ATP9A: variants seen among roughly 807,000 people sequenced by gnomAD.
ATP9A encodes the protein probable phospholipid-transporting ATPase IIA.
Under a neutral mutation model 144.1 loss-of-function variants are expected in ATP9A, and 52 were observed. The ratio of observed to expected loss-of-function variants is 0.36; its 90% CI spans 0.29 to 0.45. ATP9A has a LOEUF of 0.45. ATP9A is among the 20% of genes least tolerant of loss of function. ATP9A has a pLI of 1.00. For synonymous variants in ATP9A, 582 were observed against 557.4 expected, an observed-to-expected ratio of 1.04 and a Z score of -0.62; for missense variants, 947 against 1,392.7, an observed-to-expected ratio of 0.68 and a Z score of 5.09.
intron 15 of ATP9A, among the ~76,000 whole-genome samples, chr20:51,636,445 G>A (rs999474139): frequency 1.3e-5 from 2 of 152,192 alleles, no homozygotes; most frequent in South Asian, 2.1e-4. Context: ...ACTAAATGTG[G>A]GGCAATCTGT....
intron 15 of ATP9A, among the ~76,000 whole-genome samples, chr20:51,635,640 G>C (rs867909433): frequency 2.3e-4 from 35 of 151,830 alleles, no homozygotes; most frequent in South Asian, 2.1e-3. Context: ...GGGAGGCTGA[G>C]GCAGGAAGGT....
chr20:51,671,821 C>T (rs1464808339), intron 11 of ATP9A, among the ~76,000 whole-genome samples: 1 of 151,358 alleles, frequency 6.6e-6, no homozygotes, highest in Non-Finnish European at 1.5e-5. Context: ...TTTTTTGAGA[C>T]GAAGTCTCAC....
At chr20:51,627,036 G>A (rs543277096) in intron 17 of ATP9A, among the ~76,000 whole-genome samples, 29 of 137,470 alleles carry the variant, frequency 2.1e-4, no homozygotes, top group East Asian at 1.1e-3. Context: ...CAGCCTGGGC[G>A]ACAAGAGCGA....
chr20:51,706,297 G>T (rs188378300), intron 4 of ATP9A, among the ~76,000 whole-genome samples: 35 of 152,230 alleles, frequency 2.3e-4, no homozygotes, highest in African/African-American at 8.4e-4. Context: ...ACAAGCCTGG[G>T]TTCACATTCC....
intron 14 of ATP9A, 90 bp downstream of exon 14, chr20:51,656,848 G>T: frequency 8.1e-7 from 1 of 1,239,316 alleles, no homozygotes; most frequent in Non-Finnish European, 1.1e-6. Flanking sequence ...TGTCTGCCCT[G>T]ACACATTGCT....
At position 51,676,917 on chromosome 20, in the gene ATP9A, CTTTTTTTTTTT is replaced by C. The variant is rs34062000; in HGVS notation, c.800-720_800-710del. ...AGGCATGAGCCACCACGCCCAGTCT[CTTTTTTTTTTT>C]TTTTTTTTTTTTTTTTTGAGAGAGG... On this transcript the variant is annotated intron_variant, in intron 9 of 27. Transcript: ENST00000338821. Among the ~76,000 whole-genome samples the C allele has an allele frequency of 7.3e-5, 5 of 68,390 alleles. No individual in the cohort carries two copies. In the East Asian group the frequency reaches 1.7e-3, roughly 24 times the overall value. 44.9% of individuals were successfully genotyped at this position (68,390 alleles called of 152,430 possible).
At chr20:51,748,766 T>C (rs2077818687) in intron 1 of ATP9A, among the ~76,000 whole-genome samples, 1 of 152,140 alleles carries the variant, frequency 6.6e-6, no homozygotes, top group East Asian at 1.9e-4. Context: ...GTGACATTTC[T>C]AGTAATAGTA....
intron 20 of ATP9A, 53 bp downstream of exon 20, chr20:51,618,901 G>A (rs370622153): frequency 8.6e-5 from 138 of 1,604,424 alleles, no homozygotes; most frequent in East Asian, 7.4e-4. Flanking sequence ...TGCCGAAGCC[G>A]GGTAAGACCC....
chr20:51,620,501 G>C (rs1439788885), intron 19 of ATP9A, among the ~76,000 whole-genome samples: 1 of 152,080 alleles, frequency 6.6e-6, no homozygotes, highest in East Asian at 1.9e-4. Context: ...TCTACTTAAA[G>C]ACACCTGGAT....
At chr20:51,624,377 T>C (rs1345663208) in intron 18 of ATP9A, among the ~76,000 whole-genome samples, 1 of 152,122 alleles carries the variant, frequency 6.6e-6, no homozygotes, top group Non-Finnish European at 1.5e-5. Flanking sequence ...TGAGTTTGGT[T>C]GTTCACACCT....
At chr20:51,738,586 G>A (rs1007980210) in intron 1 of ATP9A, among the ~76,000 whole-genome samples, 12 of 152,010 alleles carry the variant, frequency 7.9e-5, no homozygotes, top group Admixed American at 6.6e-4. Context: ...TGACACACCT[G>A]TAGTCCCAGG....
intron 1 of ATP9A, among the ~76,000 whole-genome samples, chr20:51,732,182 A>C (rs947196313): frequency 1.3e-5 from 2 of 152,104 alleles, no homozygotes; most frequent in Non-Finnish European, 2.9e-5. Flanking sequence ...AGGACCCCAA[A>C]AACGGCAGCT....
At chr20:51,718,460 G>A (rs1002461034) in intron 3 of ATP9A, among the ~76,000 whole-genome samples, 12 of 151,898 alleles carry the variant, frequency 7.9e-5, no homozygotes, top group African/African-American at 2.7e-4. Flanking sequence ...AAAGAACAGT[G>A]AACAGGAGCA....
At position 51,676,224 on chromosome 20, in the gene ATP9A, GA is replaced by G. The variant is rs11339305; in HGVS notation, c.800-17del. On this transcript the variant is annotated splice_polypyrimidine_tract_variant and intron_variant, in intron 9 of 27. Coordinates refer to ENST00000338821, the MANE Select transcript of ATP9A (RefSeq NM_006045.3). ...ACAACAGTACCTAAAATGGAAAAAA[GA>G]AAAAAAAAAAAAGAAAAGAAATATT... 317,710 of 1,166,066 alleles carry G rather than the reference GA, an allele frequency of 0.27. 11,643 individuals carry two copies. Among genetic ancestry groups the G allele is most frequent in the African/African-American group, 0.46 (27,080 of 58,570 alleles). The allele number at this position is 1,166,066 out of a possible 1,614,324, so 72.2% of individuals were successfully genotyped here.
At chr20:51,626,656 C>CA (rs59299183) in intron 17 of ATP9A, among the ~76,000 whole-genome samples, 3,861 of 136,224 alleles carry the variant, frequency 0.028, 156 homozygotes, top group African/African-American at 0.091. Flanking sequence ...AATAAATGTG[C>CA]AAAAAAAAAA....
chr20:51,625,991 C>T (rs1264779776), intron 17 of ATP9A, among the ~76,000 whole-genome samples: 1 of 152,242 alleles, frequency 6.6e-6, no homozygotes, highest in Non-Finnish European at 1.5e-5. Flanking sequence ...CAGGCAGTTT[C>T]CCCGCATGGA....
At chr20:51,717,383 GCTGT>G (rs890628608) in intron 3 of ATP9A, among the ~76,000 whole-genome samples, 4 of 152,080 alleles carry the variant, frequency 2.6e-5, no homozygotes, top group African/African-American at 7.2e-5. Context: ...AGAAGTAGAT[GCTGT>G]CTAATTTTTC....
chr20:51,681,827 G>C (rs937913311), intron 9 of ATP9A, among the ~76,000 whole-genome samples: 1 of 152,206 alleles, frequency 6.6e-6, no homozygotes, highest in Non-Finnish European at 1.5e-5. Flanking sequence ...CCTCAGCACC[G>C]AACAGGTGCG....
At chr20:51,633,777 A>AAAAC (rs1169119034) in intron 15 of ATP9A, among the ~76,000 whole-genome samples, 1 of 151,118 alleles carries the variant, frequency 6.6e-6, no homozygotes, top group African/African-American at 2.5e-5. Context: ...AAAAGAAAAA[A>AAAAC]AGGGAGGGAG....
Sources: allele counts gnomAD v4.1 joint callset (sites outside exome capture counted in the v4.1 genomes callset), GRCh38; gene constraint gnomAD v4.1.1; transcripts MANE v1.5; gene names NCBI Gene and HGNC (gene_info 2026-07-23, HGNC 2026-07-21).